The following SGCZ variants were observed in gnomAD, a reference collection of about 807,000 sequenced individuals.
SGCZ encodes sarcoglycan zeta.
A neutral mutation model predicts 41.3 loss-of-function variants in SGCZ; 40 were observed. That is an observed-to-expected ratio of 0.97 (90% CI 0.75 to 1.26). The LOEUF (loss-of-function observed/expected upper bound fraction) is 1.26. Among genes scored for constraint, SGCZ ranks in the 50% most tolerant of loss-of-function variants. The probability of loss-of-function intolerance (pLI) is 0.00; values close to 1 mark genes in which losing one functional copy is unlikely to be tolerated. For missense variants in SGCZ, 552 were observed against 369.8 expected (o/e 1.49, Z -4.04); for synonymous variants, 206 against 137.5 (o/e 1.50, Z -3.49).
At chr8:14,507,115 T>C (rs537823196) in intron 2 of SGCZ, among the ~76,000 whole-genome samples, 2 of 131,308 alleles carry the variant, frequency 1.5e-5, no homozygotes, top group African/African-American at 7.1e-5. Context: ...CAAAAACTAA[T>C]CTTCCCTATC....
rs113810577 is a variant in SGCZ at position 14,133,730 on chromosome 8, A to G, written c.548-25495T>C. 2.7e-3 allele frequency among the ~76,000 whole-genome samples: 409 copies of G among 152,178 alleles called. 3 individuals carry two copies. Among genetic ancestry groups the G allele is most frequent in the South Asian group, 0.012 (56 of 4,818 alleles). ...GACTCTTTTTCTGAGTTTTGACAAA[A>G]TTACTTTTGACAGTTTCTGCTTTTT... is the stretch of plus-strand genomic sequence containing the variant. On this transcript the variant is annotated intron_variant, in intron 5 of 7. Transcript: ENST00000382080.
chr8:14,769,538 T>A (rs917413252), intron 1 of SGCZ, among the ~76,000 whole-genome samples: 7 of 152,238 alleles, frequency 4.6e-5, no homozygotes, highest in Non-Finnish European at 7.4e-5. Context: ...ACGCCTGTAA[T>A]CCCAGCACTT....
intron 1 of SGCZ, among the ~76,000 whole-genome samples, chr8:14,883,786 T>TTTG (rs1554517133): frequency 3.3e-5 from 5 of 151,114 alleles, no homozygotes; most frequent in African/African-American, 1.2e-4. Context: ...GTTTTTTTTT[T>TTTG]TTTTTTTTTT....
intron 1 of SGCZ, among the ~76,000 whole-genome samples, chr8:15,184,814 G>C (rs1043189431): frequency 2.0e-5 from 3 of 152,054 alleles, no homozygotes; most frequent in Non-Finnish European, 4.4e-5. Flanking sequence ...CCTTGTAATG[G>C]CTTCCAACTG....
intron 1 of SGCZ, among the ~76,000 whole-genome samples, chr8:14,802,966 G>A (rs1295187368): frequency 6.6e-6 from 1 of 152,138 alleles, no homozygotes; most frequent in African/African-American, 2.4e-5. Flanking sequence ...ATTCTTGTTT[G>A]TAGATAGCAG....
At chr8:15,212,600 A>G (rs1801268502) in intron 1 of SGCZ, among the ~76,000 whole-genome samples, 1 of 152,038 alleles carries the variant, frequency 6.6e-6, no homozygotes, top group Admixed American at 6.6e-5. Flanking sequence ...ATAATATGTT[A>G]TCTGTCAATG....
At chr8:14,662,059 A>G (rs954790800) in intron 1 of SGCZ, among the ~76,000 whole-genome samples, 11 of 152,172 alleles carry the variant, frequency 7.2e-5, no homozygotes, top group Non-Finnish European at 1.5e-4. Flanking sequence ...AAGAAGAAAA[A>G]TCCTTTCATA....
chr8:14,838,868 A>G (rs1347665562), intron 1 of SGCZ, among the ~76,000 whole-genome samples: 8 of 152,108 alleles, frequency 5.3e-5, no homozygotes, highest in Admixed American at 5.2e-4. Context: ...CAATTAAGAG[A>G]GTCAGCATAG....
At chr8:14,749,282 G>A (rs73664470) in intron 1 of SGCZ, among the ~76,000 whole-genome samples, 5,309 of 152,162 alleles carry the variant, frequency 0.035, 305 homozygotes, top group African/African-American at 0.12. Context: ...AGTTAGAATG[G>A]CCGCCAGAGT....
At chr8:14,407,995 T>C (rs555073512) in intron 2 of SGCZ, among the ~76,000 whole-genome samples, 157 of 152,292 alleles carry the variant, frequency 1.0e-3, no homozygotes, top group African/African-American at 3.6e-3. Context: ...TATTTAATGA[T>C]AGACTAATGA....
At chr8:14,517,675 T>C (rs976651001) in intron 2 of SGCZ, among the ~76,000 whole-genome samples, 3 of 152,008 alleles carry the variant, frequency 2.0e-5, no homozygotes, top group South Asian at 2.1e-4. Flanking sequence ...GAAAAGCTTT[T>C]AAAATGTTTT....
intron 1 of SGCZ, among the ~76,000 whole-genome samples, chr8:14,766,458 T>G (rs2252614): frequency 6.6e-6 from 1 of 152,194 alleles, no homozygotes. Context: ...CAAGATAATA[T>G]GTTTCTAACA....
rs558659396 is a variant in SGCZ, at chr8:14,329,219, T to C, written c.235-5015A>G. 3.3e-5 allele frequency among the ~76,000 whole-genome samples: 5 copies of C among 152,284 alleles called. No homozygotes were observed. The South Asian group carries it at 1.0e-3, about 32-fold the overall frequency. ...ATTTAGGGTTTGAAACTTGACTTTT[T>C]TATTTATTAACTGTTGACTTTGACA... On this transcript the variant is annotated intron_variant, in intron 2 of 7. Coordinates refer to ENST00000382080, the MANE Select transcript of SGCZ (RefSeq NM_139167.4).
intron 4 of SGCZ, among the ~76,000 whole-genome samples, chr8:14,206,189 G>A (rs991606512): frequency 6.6e-6 from 1 of 151,968 alleles, no homozygotes; most frequent in African/African-American, 2.4e-5. Context: ...CTTATAGTAT[G>A]ATCTAAAAAC....
chr8:14,813,358 A>G (rs535501743), intron 1 of SGCZ, among the ~76,000 whole-genome samples: 2 of 152,330 alleles, frequency 1.3e-5, no homozygotes, highest in South Asian at 4.1e-4. Flanking sequence ...TGACCCACTT[A>G]GAGATGAAAC....
intron 2 of SGCZ, among the ~76,000 whole-genome samples, chr8:14,373,988 T>C (rs1804010491): frequency 1.3e-5 from 2 of 151,846 alleles, no homozygotes. Flanking sequence ...AAAATAAAAA[T>C]AAAAAAATAC....
At chr8:15,073,754 G>C (rs1805434711) in intron 1 of SGCZ, among the ~76,000 whole-genome samples, 2 of 152,160 alleles carry the variant, frequency 1.3e-5, no homozygotes, top group Admixed American at 6.5e-5. Flanking sequence ...ATGTGGACTA[G>C]CTGGCCCCCA....
At chr8:14,471,730 G>A (rs546005990) in intron 2 of SGCZ, among the ~76,000 whole-genome samples, 44 of 151,872 alleles carry the variant, frequency 2.9e-4, no homozygotes, top group African/African-American at 4.3e-4. Flanking sequence ...AATAATTTCC[G>A]TGCCCATTTA....
chr8:14,746,759 G>A (rs1164566965), intron 1 of SGCZ, among the ~76,000 whole-genome samples: 1 of 152,054 alleles, frequency 6.6e-6, no homozygotes, highest in Non-Finnish European at 1.5e-5. Context: ...AGAACATTGG[G>A]GTTTTTTGTG....
Sources: gnomAD v4.1 joint callset for allele counts (sites outside exome capture counted in the v4.1 genomes callset) on GRCh38, gnomAD v4.1.1 for gene constraint, MANE v1.5 for transcripts, NCBI Gene and HGNC (gene_info 2026-07-23, HGNC 2026-07-21) for gene names.